XKR3: variants seen among roughly 807,000 people sequenced by gnomAD.
XKR3 encodes XK-related protein 3.
In XKR3, 27 loss-of-function variants were observed where a neutral mutation model predicts 40.3. The observed-to-expected ratio is 0.67, with a 90% CI of 0.49 to 0.92. The LOEUF (loss-of-function observed/expected upper bound fraction) is 0.92. Among genes scored for constraint, XKR3 ranks in the 40% least tolerant of loss-of-function variants. XKR3 has a pLI of 0.00. For synonymous variants in XKR3, 193 were observed against 195.4 expected (o/e 0.99, Z 0.10); for missense variants, 472 against 537.6 (o/e 0.88, Z 1.21).
At chr22:16,788,592 G>GA (rs1569035430) in intron 3 of XKR3, among the ~76,000 whole-genome samples, 1 of 151,400 alleles carries the variant, frequency 6.6e-6, no homozygotes, top group South Asian at 2.1e-4. Flanking sequence ...TAACCTAGTG[G>GA]AAAAAAATAA....
intron 3 of XKR3, among the ~76,000 whole-genome samples, chr22:16,794,423 A>G (rs2060132396): frequency 6.6e-6 from 1 of 152,098 alleles, no homozygotes; most frequent in Non-Finnish European, 1.5e-5. Context: ...CCTATTTTCA[A>G]CATTAAAAAA....
chr22:16,812,720 G>A (rs1399170734), intron 1 of XKR3, among the ~76,000 whole-genome samples: 3 of 152,060 alleles, frequency 2.0e-5, no homozygotes, highest in African/African-American at 4.8e-5. Context: ...TGATTTTCAA[G>A]GTATTCACAA....
Position 16,807,897 on chromosome 22 carries a change from T to C in XKR3, c.177A>G (p.Arg59=). The change falls in exon 2 of 4, where the codon CGA becomes CGG. Residue 59 remains arginine, a synonymous_variant. Coordinates refer to ENST00000684488, the MANE Select transcript of XKR3 (RefSeq NM_001386955.1). ...AFGLYMFEIY[R]KANDTFWMSF... ...ACATCCAGAATGTGTCATTAGCTTT[T>C]CGATAAATTTCAAACATGTATAAAC... is the stretch of plus-strand genomic sequence containing the variant. The C allele has an allele frequency of 6.2e-7, 1 of 1,614,004 alleles. No individual in the cohort carries two copies. The highest frequency in any genetic ancestry group is 8.5e-7 in the Non-Finnish European group (1 of 1,179,926).
At chr22:16,819,130 G>C (rs534446614) in intron 1 of XKR3, among the ~76,000 whole-genome samples, 2 of 151,994 alleles carry the variant, frequency 1.3e-5, no homozygotes, top group African/African-American at 4.8e-5. Flanking sequence ...TAAAACACTG[G>C]TGAAAGAAAT....
chr22:16,816,562 GTTTTTGTCCCTGC>G (rs2060234607), intron 1 of XKR3, among the ~76,000 whole-genome samples: 1 of 150,462 alleles, frequency 6.6e-6, no homozygotes, highest in African/African-American at 2.4e-5. Context: ...TTTGATATTT[GTTTTTGTCCCTGC>G]TAAAAAATAA....
intron 3 of XKR3, among the ~76,000 whole-genome samples, chr22:16,787,262 T>G (rs11704378): frequency 0.098 from 14,900 of 152,034 alleles, 1,015 homozygotes; most frequent in South Asian, 0.27. Context: ...TATTAGTCAC[T>G]GGTGTTCAAG....
intron 1 of XKR3, among the ~76,000 whole-genome samples, chr22:16,823,690 A>T (rs1370665224): frequency 6.6e-6 from 1 of 152,218 alleles, no homozygotes; most frequent in Non-Finnish European, 1.5e-5. Flanking sequence ...AATACAAATT[A>T]CCAAAAGAAT....
intron 1 of XKR3, among the ~76,000 whole-genome samples, chr22:16,817,712 A>C (rs1364681825): frequency 6.6e-6 from 1 of 152,160 alleles, no homozygotes; most frequent in African/African-American, 2.4e-5. Flanking sequence ...TTGGAGTTCA[A>C]ATCTCACAGA....
At chr22:16,824,113 G>A (rs531740597) in intron 1 of XKR3, among the ~76,000 whole-genome samples, 1 of 152,230 alleles carries the variant, frequency 6.6e-6, no homozygotes, top group East Asian at 1.9e-4. Flanking sequence ...GAGAAAAATC[G>A]CATCTGACCT....
Position 16,783,598 on chromosome 22 carries a change from G to T in XKR3, c.*21C>A. On this transcript the variant is annotated 3_prime_UTR_variant, in exon 4 of 4. Transcript: ENST00000684488. ...ATTCAGCATCTTTACTCATTGTTCT[G>T]TGAAAGTATATATGTATATTTTATG... 1.3e-6 allele frequency: 2 copies of T among 1,514,600 alleles called. No homozygotes were observed. Among genetic ancestry groups the T allele is most frequent in the Non-Finnish European group, 8.8e-7 (1 of 1,132,788 alleles). The allele number at this position is 1,514,600 out of a possible 1,614,324, so 93.8% of individuals were successfully genotyped here.
At chr22:16,786,021 GGA>G (rs2060089062) in intron 3 of XKR3, among the ~76,000 whole-genome samples, 1 of 151,972 alleles carries the variant, frequency 6.6e-6, no homozygotes, top group East Asian at 1.9e-4. Context: ...TATTCCTTAA[GGA>G]ATACTCAAAG....
intron 1 of XKR3, among the ~76,000 whole-genome samples, chr22:16,812,677 A>AAAT (rs772676867): frequency 1.1e-4 from 16 of 152,102 alleles, no homozygotes; most frequent in South Asian, 4.2e-4. Context: ...TCCGTCTAAA[A>AAAT]AATAATAATA....
chr22:16,810,184 C>T (rs140639918), intron 1 of XKR3, among the ~76,000 whole-genome samples: 1 of 152,318 alleles, frequency 6.6e-6, no homozygotes, highest in East Asian at 1.9e-4. Flanking sequence ...ATATCTCCAG[C>T]CAGTCTCTTA....
intron 3 of XKR3, among the ~76,000 whole-genome samples, chr22:16,797,142 T>C (rs914740857): frequency 3.5e-4 from 54 of 152,312 alleles, no homozygotes; most frequent in Admixed American, 2.8e-3. Context: ...ACTGAACTCC[T>C]ACCTTTCACC....
intron 3 of XKR3, among the ~76,000 whole-genome samples, chr22:16,791,648 T>C (rs2060116178): frequency 7.1e-6 from 1 of 140,050 alleles, no homozygotes; most frequent in Non-Finnish European, 1.5e-5. Context: ...TTGTACACAA[T>C]AAAAACATAC....
chr22:16,808,753 C>A (rs2060200862), intron 1 of XKR3, among the ~76,000 whole-genome samples: 1 of 152,050 alleles, frequency 6.6e-6, no homozygotes, highest in Non-Finnish European at 1.5e-5. Context: ...TGTAGACAAA[C>A]CGCCAGAAAA....
At chr22:16,791,917 T>G (rs1348131709) in intron 3 of XKR3, among the ~76,000 whole-genome samples, 24 of 11,350 alleles carry the variant, frequency 2.1e-3, no homozygotes, top group East Asian at 8.3e-3. Context: ...CTTTTTGTTT[T>G]TTTTTTTTGT....
chr22:16,809,821 G>A (rs1280648883), intron 1 of XKR3, among the ~76,000 whole-genome samples: 8 of 152,140 alleles, frequency 5.3e-5, no homozygotes, highest in East Asian at 1.9e-4. Flanking sequence ...GTAGTGGTGC[G>A]ATCAAGGACT....
chr22:16,799,702 C>G (rs1319402530), intron 3 of XKR3, 69 bp downstream of exon 3: 1 of 1,507,534 alleles, frequency 6.6e-7, no homozygotes, highest in Non-Finnish European at 8.9e-7. Context: ...TTCAACTTCT[C>G]AATTTCTATT....
Sources: gnomAD v4.1 joint callset for allele counts (sites outside exome capture counted in the v4.1 genomes callset) on GRCh38, gnomAD v4.1.1 for gene constraint, MANE v1.5 for transcripts, NCBI Gene and HGNC (gene_info 2026-07-23, HGNC 2026-07-21) for gene names.